Variants in TMEM74 observed in about 807,000 individuals in gnomAD.
TMEM74 encodes transmembrane protein 74.
A neutral mutation model predicts 18.1 loss-of-function variants in TMEM74; 13 were observed. The ratio of observed to expected loss-of-function variants is 0.72; its 90% CI spans 0.47 to 1.14. TMEM74 has a LOEUF of 1.14. Among genes scored for constraint, TMEM74 ranks in the 50% most tolerant of loss-of-function variants. TMEM74 has a pLI of 0.00. For missense variants in TMEM74, 372 were observed against 375.9 expected, an observed-to-expected ratio of 0.99 and a Z score of 0.09; for synonymous variants, 159 against 146.6, an observed-to-expected ratio of 1.08 and a Z score of -0.61.
At chr8:108,767,004 C>A (rs111958225) in intron 1 of TMEM74, among the ~76,000 whole-genome samples, 2,732 of 152,278 alleles carry the variant, frequency 0.018, 87 homozygotes, top group African/African-American at 0.062. Context: ...GCTGATTACA[C>A]GGTACCCACC....
intron 1 of TMEM74, among the ~76,000 whole-genome samples, chr8:108,723,531 T>C (rs1484062414): frequency 6.6e-6 from 1 of 152,158 alleles, no homozygotes; most frequent in Admixed American, 6.5e-5. Flanking sequence ...TTTCAAACCA[T>C]AACCTTTCAA....
At chr8:108,740,197 C>G (rs968758130) in intron 1 of TMEM74, among the ~76,000 whole-genome samples, 4 of 152,164 alleles carry the variant, frequency 2.6e-5, no homozygotes, top group African/African-American at 7.2e-5. Context: ...CCTGCCTCAG[C>G]TTTCTTCCCA....
At chr8:108,699,145 T>TTTCCTTCCTTCCTTCCTTCCTTCCTTCC (rs150848011) in intron 1 of TMEM74, among the ~76,000 whole-genome samples, 7 of 68,776 alleles carry the variant, frequency 1.0e-4, no homozygotes, top group East Asian at 5.2e-4. Context: ...CCCTCCCTCT[T>TTTCCTTCCTTCCTTCCTTCCTTCCTTCC]TTCCTTCCTT....
At position 108,712,502 on chromosome 8, in the gene TMEM74, T is replaced by C. The variant is rs966513119; in HGVS notation, n.120-57065A>G. ...ATGCTGCTCTAGCACTGGCACACCA[T>C]GGCAGATGGGCCTCCTTGTGGATGT... On this transcript the variant is annotated intron_variant and non_coding_transcript_variant, in intron 1 of 3. Coordinates refer to the TMEM74 transcript ENST00000518838. Among the ~76,000 whole-genome samples the C allele has an allele frequency of 6.6e-5, 10 of 152,264 alleles. 1 individual carries two copies. Among genetic ancestry groups the C allele is most frequent in the African/African-American group, 9.6e-5 (4 of 41,548 alleles).
At chr8:108,699,650 G>A (rs1168574573) in intron 1 of TMEM74, among the ~76,000 whole-genome samples, 1 of 152,134 alleles carries the variant, frequency 6.6e-6, no homozygotes, top group Non-Finnish European at 1.5e-5. Flanking sequence ...GGAGAAGGAA[G>A]CCTGGGTGAC....
chr8:108,652,562 G>A (rs1812785316), intron 2 of TMEM74: 4 of 574,076 alleles, frequency 7.0e-6, no homozygotes, highest in Middle Eastern at 4.9e-4. Context: ...TGGTTTTCTG[G>A]GTATCATAAG....
Position 108,753,998 on chromosome 8 carries a change from T to C in TMEM74, n.119+33478A>G, listed in dbSNP as rs528712608. Among the ~76,000 whole-genome samples, 3 of 152,188 alleles carry C rather than the reference T, an allele frequency of 2.0e-5. No homozygotes were observed. The East Asian group carries it at 5.8e-4, about 29-fold the overall frequency. On this transcript the variant is annotated intron_variant and non_coding_transcript_variant, in intron 1 of 3. Transcript: ENST00000518838. ...AATCACATACTGCTAGGCCCAACCT[T>C]AGAGTTTCTGATTCAAAAAGTAGGA...
chr8:108,640,988 T>C (rs1812660401), intron 2 of TMEM74, among the ~76,000 whole-genome samples: 1 of 152,204 alleles, frequency 6.6e-6, no homozygotes, highest in Non-Finnish European at 1.5e-5. Flanking sequence ...AACTTTTGCT[T>C]TCAACTTTTT....
At chr8:108,708,892 G>T (rs1275074820) in intron 1 of TMEM74, among the ~76,000 whole-genome samples, 2 of 118,632 alleles carry the variant, frequency 1.7e-5, no homozygotes, top group African/African-American at 6.6e-5. Context: ...TTTCTCCAAA[G>T]AAGGCAAACA....
At chr8:108,669,210 C>G (rs1002235613) in intron 1 of TMEM74, among the ~76,000 whole-genome samples, 3 of 152,122 alleles carry the variant, frequency 2.0e-5, no homozygotes, top group Non-Finnish European at 4.4e-5. Context: ...CGTAACTTCT[C>G]CTTTCTGCCT....
chr8:108,635,271 C>T (rs1812596024), intron 2 of TMEM74, among the ~76,000 whole-genome samples: 1 of 151,118 alleles, frequency 6.6e-6, no homozygotes, highest in African/African-American at 2.5e-5. Flanking sequence ...GGTCTTAGCG[C>T]ATTTTTTTTT....
At chr8:108,679,976 A>G (rs1450038805) in intron 1 of TMEM74, among the ~76,000 whole-genome samples, 1 of 152,214 alleles carries the variant, frequency 6.6e-6, no homozygotes, top group Non-Finnish European at 1.5e-5. Context: ...CACCCTCCCA[A>G]GACTAAACCA....
At chr8:108,756,703 G>GGAAGGAAA (rs1813976133) in intron 1 of TMEM74, among the ~76,000 whole-genome samples, 2 of 69,116 alleles carry the variant, frequency 2.9e-5, no homozygotes, top group African/African-American at 5.5e-5. Context: ...AAAGAAGGAA[G>GGAAGGAAA]GAAAGAAAGA....
At chr8:108,766,042 TA>T (rs1814103662) in intron 1 of TMEM74, among the ~76,000 whole-genome samples, 2 of 152,164 alleles carry the variant, frequency 1.3e-5, no homozygotes, top group African/African-American at 2.4e-5. Flanking sequence ...ACAATGAAAA[TA>T]CTTGCATTTA....
intron 1 of TMEM74, among the ~76,000 whole-genome samples, chr8:108,656,652 A>G (rs901187732): frequency 5.9e-5 from 9 of 152,186 alleles, no homozygotes; most frequent in Non-Finnish European, 4.4e-5. Flanking sequence ...AGACCAAAGT[A>G]CATCCCTCAG....
At chr8:108,614,584 A>T (rs1312975940) in intron 2 of TMEM74, among the ~76,000 whole-genome samples, 2 of 152,224 alleles carry the variant, frequency 1.3e-5, no homozygotes, top group South Asian at 4.1e-4. Flanking sequence ...GTAACATGTG[A>T]ATGCTACTAA....
At chr8:108,616,774 A>G (rs1236553448) in intron 2 of TMEM74, among the ~76,000 whole-genome samples, 1 of 152,056 alleles carries the variant, frequency 6.6e-6, no homozygotes, top group Admixed American at 6.6e-5. Flanking sequence ...AAGTTGATTT[A>G]AGTTTCACAT....
chr8:108,686,182 A>C (rs2130603224), intron 1 of TMEM74, among the ~76,000 whole-genome samples: 1 of 152,112 alleles, frequency 6.6e-6, no homozygotes, highest in South Asian at 2.1e-4. Context: ...TAAGTTGGGA[A>C]GTTTTGTTTT....
At chr8:108,622,531 A>C (rs1201894161) in intron 2 of TMEM74, among the ~76,000 whole-genome samples, 1 of 152,118 alleles carries the variant, frequency 6.6e-6, no homozygotes, top group African/African-American at 2.4e-5. Context: ...TTAGAATTGA[A>C]GCTTGTGTTG....
Sources: gnomAD v4.1 joint callset for allele counts (sites outside exome capture counted in the v4.1 genomes callset) on GRCh38, gnomAD v4.1.1 for gene constraint, MANE v1.5 for transcripts, NCBI Gene and HGNC (gene_info 2026-07-23, HGNC 2026-07-21) for gene names.